LUZP2: variants seen among roughly 807,000 people sequenced by gnomAD.
LUZP2 encodes the protein leucine zipper protein 2.
A neutral mutation model predicts 51.6 loss-of-function variants in LUZP2; 52 were observed. The ratio of observed to expected loss-of-function variants is 1.01; its 90% CI spans 0.81 to 1.27. The LOEUF (loss-of-function observed/expected upper bound fraction) is 1.27. LUZP2 is among the 50% of genes most tolerant of loss of function. The probability of loss-of-function intolerance (pLI) is 0.00; values close to 1 mark genes in which losing one functional copy is unlikely to be tolerated. For missense variants in LUZP2, 436 were observed against 395.4 expected, an observed-to-expected ratio of 1.10 and a Z score of -0.87; for synonymous variants, 154 against 137.3, an observed-to-expected ratio of 1.12 and a Z score of -0.85.
intron 9 of LUZP2, among the ~76,000 whole-genome samples, chr11:25,031,806 A>T (rs1226445033): frequency 6.6e-6 from 1 of 152,128 alleles, no homozygotes; most frequent in East Asian, 1.9e-4. Context: ...AAGTTTACAA[A>T]TTTTTTAAAT....
intron 5 of LUZP2, among the ~76,000 whole-genome samples, chr11:24,890,067 C>T (rs895250915): frequency 6.6e-6 from 1 of 152,118 alleles, no homozygotes; most frequent in African/African-American, 2.4e-5. Context: ...CCCCCACCCC[C>T]ATGGAAATCC....
At chr11:24,614,624 G>A (rs7114263) in intron 1 of LUZP2, among the ~76,000 whole-genome samples, 33,239 of 151,598 alleles carry the variant, frequency 0.22, 4,448 homozygotes, top group African/African-American at 0.37. Context: ...GTTCAAATGC[G>A]TAAAAATTAT....
At chr11:24,780,046 C>T (rs568413304) in intron 5 of LUZP2, among the ~76,000 whole-genome samples, 3 of 152,146 alleles carry the variant, frequency 2.0e-5, no homozygotes, top group Non-Finnish European at 4.4e-5. Flanking sequence ...TTACTTCTGA[C>T]ATGTGGCTTT....
chr11:24,726,073 C>G (rs7930032), intron 1 of LUZP2, among the ~76,000 whole-genome samples: 7,549 of 151,996 alleles, frequency 0.05, 605 homozygotes, highest in African/African-American at 0.16. Context: ...TTTGAGGTAC[C>G]CAGTCTTAGT....
At chr11:24,823,066 G>C (rs1850408644) in intron 5 of LUZP2, among the ~76,000 whole-genome samples, 1 of 152,120 alleles carries the variant, frequency 6.6e-6, no homozygotes, top group Non-Finnish European at 1.5e-5. Flanking sequence ...AGCCAGACAA[G>C]ATCTCTGTTC....
chr11:24,638,603 T>C lies in LUZP2; in HGVS notation c.63-90566T>C, dbSNP rs1485906946. ...ATAATTTATGGCCTTAAAAGAAGGA[T>C]TAACTTGGAATTTTTTCTAAATTAT... On this transcript the variant is annotated intron_variant, in intron 1 of 11. Coordinates refer to ENST00000336930, the MANE Select transcript of LUZP2 (RefSeq NM_001009909.4). Among the ~76,000 whole-genome samples, 7 of 151,664 alleles carry C rather than the reference T, an allele frequency of 4.6e-5. 1 individual carries two copies. Among genetic ancestry groups the C allele is most frequent in the African/African-American group, 1.2e-4 (5 of 41,140 alleles).
Position 24,745,720 on chromosome 11 carries a change from C to A in LUZP2, c.333+7418C>A, listed in dbSNP as rs192266333. Among the ~76,000 whole-genome samples the A allele has an allele frequency of 8.2e-4, 125 of 152,230 alleles. 1 individual carries two copies. The highest frequency in any genetic ancestry group is 2.9e-3 in the African/African-American group (120 of 41,526). On this transcript the variant is annotated intron_variant, in intron 4 of 11. Transcript: ENST00000336930. ...TGAGATGGAGTCTTGCTCTGTCACC[C>A]AGGCTGAAGTGCAGTGGCACAATCT...
intron 1 of LUZP2, chr11:24,701,495 CT>C (rs1399966750): frequency 6.1e-6 from 1 of 162,708 alleles, no homozygotes; most frequent in Non-Finnish European, 1.5e-5. Flanking sequence ...AACGATTTAC[CT>C]GCAGAAAACG....
chr11:24,958,583 C>T (rs951651848), intron 7 of LUZP2, among the ~76,000 whole-genome samples: 19 of 152,054 alleles, frequency 1.2e-4, no homozygotes, highest in Admixed American at 3.3e-4. Flanking sequence ...GTCCTTCACC[C>T]ACTTTTTGAT....
chr11:24,589,782 C>G (rs1386293180), intron 1 of LUZP2, among the ~76,000 whole-genome samples: 1 of 151,962 alleles, frequency 6.6e-6, no homozygotes, highest in Non-Finnish European at 1.5e-5. Context: ...GACCTGTTGC[C>G]TCATTTCTTT....
At position 24,732,129 on chromosome 11, in the gene LUZP2, CGAT is replaced by C. The variant is rs748537629; in HGVS notation, c.195_197del (p.Asp65del). On this transcript the variant is annotated inframe_deletion, in exon 3 of 12. Transcript: ENST00000336930. ...ACTTTTCTTATCAGTCCTTAAAAAACGATGAGCAGTCTGCCAAAACTGATGTTC... is the reference window on the plus strand; with the variant it reads ...ACTTTTCTTATCAGTCCTTAAAAAACGAGCAGTCTGCCAAAACTGATGTTC... 1.9e-6 allele frequency: 3 copies of C among 1,608,044 alleles called. No individual in the cohort carries two copies. The highest frequency in any genetic ancestry group is 2.2e-5 in the South Asian group (2 of 90,492).
chr11:24,703,136 T>G (rs1264610251), intron 1 of LUZP2, among the ~76,000 whole-genome samples: 3 of 152,228 alleles, frequency 2.0e-5, no homozygotes, highest in Non-Finnish European at 4.4e-5. Flanking sequence ...TATTTTCATG[T>G]ACTCAGTCCT....
intron 7 of LUZP2, among the ~76,000 whole-genome samples, chr11:24,975,445 G>A (rs1453783679): frequency 6.6e-6 from 1 of 152,068 alleles, no homozygotes; most frequent in African/African-American, 2.4e-5. Flanking sequence ...TGTTGCTGTT[G>A]TTGTTGTGGT....
chr11:24,549,549 C>T (rs1248392744), intron 1 of LUZP2, among the ~76,000 whole-genome samples: 2 of 151,974 alleles, frequency 1.3e-5, no homozygotes, highest in African/African-American at 2.4e-5. Context: ...ATGTACTATA[C>T]ATAACTGTAT....
chr11:24,909,853 A>G (rs951944891), intron 6 of LUZP2, among the ~76,000 whole-genome samples: 3 of 152,124 alleles, frequency 2.0e-5, no homozygotes, highest in Non-Finnish European at 2.9e-5. Context: ...TGATACCTGA[A>G]AATGTGGAAG....
chr11:24,868,941 A>G (rs1851974042), intron 5 of LUZP2, among the ~76,000 whole-genome samples: 2 of 152,328 alleles, frequency 1.3e-5, no homozygotes, highest in East Asian at 1.9e-4. Context: ...ATAGAATTGT[A>G]GAGAGAGAAC....
chr11:24,946,829 A>G (rs1011698727), intron 7 of LUZP2, among the ~76,000 whole-genome samples: 1 of 151,752 alleles, frequency 6.6e-6, no homozygotes, highest in Non-Finnish European at 1.5e-5. Context: ...CAATTTAGCT[A>G]TTTTTCAATG....
At chr11:24,958,592 A>T (rs960509749) in intron 7 of LUZP2, among the ~76,000 whole-genome samples, 3 of 151,478 alleles carry the variant, frequency 2.0e-5, no homozygotes, top group African/African-American at 7.3e-5. Flanking sequence ...CCACTTTTTG[A>T]TGGGGTTGTT....
At chr11:24,583,158 CATA>C (rs1322768302) in intron 1 of LUZP2, among the ~76,000 whole-genome samples, 2 of 152,040 alleles carry the variant, frequency 1.3e-5, no homozygotes, top group East Asian at 3.9e-4. Context: ...TGTATGTACA[CATA>C]ATATCACATA....
Sources: gnomAD v4.1 joint callset for allele counts (sites outside exome capture counted in the v4.1 genomes callset) on GRCh38, gnomAD v4.1.1 for gene constraint, MANE v1.5 for transcripts, NCBI Gene and HGNC (gene_info 2026-07-23, HGNC 2026-07-21) for gene names.